DPEP1: variants seen among roughly 807,000 people sequenced by gnomAD.
DPEP1 encodes dipeptidase 1.
A neutral mutation model predicts 42.3 loss-of-function variants in DPEP1; 50 were observed. That is an observed-to-expected ratio of 1.18 (90% CI 0.94 to 1.50). DPEP1 has a LOEUF of 1.50. DPEP1 is among the 40% of genes most tolerant of loss of function. DPEP1 has a pLI of 0.00. For synonymous variants in DPEP1, 297 were observed against 234.0 expected, an observed-to-expected ratio of 1.27 and a Z score of -2.46; for missense variants, 663 against 553.0, an observed-to-expected ratio of 1.20 and a Z score of -1.99.
rs2059682225 is a variant in DPEP1 at position 89,636,543 on chromosome 16, G to C, written c.381G>C (p.Gln127His). Residue 127 changes from glutamine (Q) to histidine (H), a missense_variant, in exon 5 of 11, where the codon CAG becomes CAC. Transcript: ENST00000690203. ...TGACTCTCCCCGCAGGCATTCGGCA[G>C]GCCTTCCGGGAAGGGAAGGTGGCCA... ...LYVTSSAGIRQAFREGKVASL... is the reference protein window; with the variant it reads ...LYVTSSAGIRHAFREGKVASL... The C allele has an allele frequency of 4.3e-6, 7 of 1,612,436 alleles. No individual in the cohort carries two copies. Among genetic ancestry groups the C allele is most frequent in the Non-Finnish European group, 5.9e-6 (7 of 1,179,878 alleles).
At chr16:89,633,175 C>A (rs1224756269) in intron 2 of DPEP1, among the ~76,000 whole-genome samples, 1 of 152,316 alleles carries the variant, frequency 6.6e-6, no homozygotes, top group East Asian at 1.9e-4. Context: ...GCTGCCCGGG[C>A]AGGGTCCCTG....
intron 1 of DPEP1, among the ~76,000 whole-genome samples, chr16:89,615,043 A>G (rs1239419584): frequency 2.0e-5 from 3 of 152,238 alleles, no homozygotes; most frequent in African/African-American, 4.8e-5. Flanking sequence ...GACCCCATGG[A>G]GAAGCTCAGT....
chr16:89,637,185 C>A lies in DPEP1; in HGVS notation c.592-19C>A, dbSNP rs201941250. The stretch of plus-strand genomic sequence containing the variant: ...CGACCCTGGGGGCTGTGAGGGTGGA[C>A]GGAGCCCTGTCTTCCCAGCGTGTGG... On this transcript the variant is annotated intron_variant, in intron 6 of 10. Coordinates refer to ENST00000690203, the MANE Select transcript of DPEP1 (RefSeq NM_001389466.1). 5.4e-5 allele frequency: 87 copies of A among 1,607,386 alleles called. No homozygotes were observed. In the East Asian group the frequency reaches 1.9e-3, roughly 35 times the overall value.
chr16:89,636,148 G>A (rs1264651396), intron 3 of DPEP1, 108 bp downstream of exon 3: 41 of 1,547,988 alleles, frequency 2.6e-5, no homozygotes, highest in African/African-American at 1.9e-4. Flanking sequence ...AGGGTCCCTC[G>A]GTGCCCAGGC....
intron 2 of DPEP1, among the ~76,000 whole-genome samples, chr16:89,632,514 G>C (rs1265417709): frequency 6.6e-6 from 1 of 152,196 alleles, no homozygotes; most frequent in South Asian, 2.1e-4. Flanking sequence ...TGGATCCCGG[G>C]GGCAGCCAGC....
rs753256334 is a variant in DPEP1 at position 89,638,070 on chromosome 16, G to C, written c.1084G>C (p.Ala362Pro). Reference protein sequence around the residue: ...AVEQASNLTQAPEEEPIPLDQ... With the variant: ...AVEQASNLTQPPEEEPIPLDQ... ...TCCCCAGGCCAGCAACCTCACACAGGCTCCCGAGGAGGAGCCCATCCCGCT... is the reference window on the plus strand; with the variant it reads ...TCCCCAGGCCAGCAACCTCACACAGCCTCCCGAGGAGGAGCCCATCCCGCT... Residue 362 changes from alanine (A) to proline (P), a missense_variant, in exon 11 of 11, where the codon GCT becomes CCT. Transcript: ENST00000690203. 3 of 1,612,034 alleles carry C rather than the reference G, an allele frequency of 1.9e-6. No homozygotes were observed. The highest frequency in any genetic ancestry group is 2.2e-5 in the East Asian group (1 of 44,878).
intron 5 of DPEP1, 43 bp downstream of exon 5, chr16:89,636,726 G>A: frequency 6.2e-7 from 1 of 1,607,694 alleles, no homozygotes; most frequent in Non-Finnish European, 8.5e-7. Flanking sequence ...GTGGTCAGGA[G>A]GGAGGGGGCA....
At chr16:89,618,258 C>G (rs930552407) in intron 1 of DPEP1, among the ~76,000 whole-genome samples, 2 of 152,030 alleles carry the variant, frequency 1.3e-5, no homozygotes, top group Admixed American at 1.3e-4. Context: ...GCTCTGTCAC[C>G]CGGGCTGGAG....
chr16:89,633,306 C>T (rs1245383878), intron 2 of DPEP1, among the ~76,000 whole-genome samples: 7 of 152,228 alleles, frequency 4.6e-5, no homozygotes, highest in Admixed American at 3.3e-4. Flanking sequence ...GGGACAACCT[C>T]GCTGACGCAG....
chr16:89,636,222 G>C (rs1476741159), intron 3 of DPEP1, 42 bp from the exon 4 acceptor site: 1 of 1,582,622 alleles, frequency 6.3e-7, no homozygotes, highest in Non-Finnish European at 8.6e-7. Context: ...GGTGGGCTGA[G>C]ACCTGGCTGC....
At chr16:89,616,034 C>T (rs2059376798) in intron 1 of DPEP1, among the ~76,000 whole-genome samples, 2 of 152,052 alleles carry the variant, frequency 1.3e-5, no homozygotes, top group South Asian at 4.1e-4. Context: ...GATCACACCA[C>T]TGCACTCCAG....
chr16:89,617,119 A>T (rs1174198025), intron 1 of DPEP1, among the ~76,000 whole-genome samples: 1 of 152,056 alleles, frequency 6.6e-6, no homozygotes, highest in Non-Finnish European at 1.5e-5. Flanking sequence ...ATGTCAGGGA[A>T]TTGCTTGGCC....
At chr16:89,638,524 C>T (rs2059713739), downstream of DPEP1, 2 of 1,201,304 alleles carry the variant, frequency 1.7e-6, no homozygotes, top group Non-Finnish European at 2.1e-6. Flanking sequence ...TCCTGTGATC[C>T]TGGATCGAGT....
rs945663324 is a variant in DPEP1, at chr16:89,630,342, G to T, written c.-69G>T. The T allele has an allele frequency of 3.0e-5, 40 of 1,349,092 alleles. No individual in the cohort carries two copies. Among genetic ancestry groups the T allele is most frequent in the Non-Finnish European group, 3.7e-5 (35 of 958,706 alleles). 83.6% of individuals were successfully genotyped at this position (1,349,092 alleles called of 1,614,324 possible). A position where few individuals can be genotyped will look rare whatever the true frequency, so the allele number is the denominator to read the frequency against. ...CTCACAGCCTGAAGCTCATCCTTCT[G>T]CACGGGCCAGCCAGGCCAGCACAGA... On this transcript the variant is annotated 5_prime_UTR_variant, in exon 2 of 11. Coordinates refer to ENST00000690203, the MANE Select transcript of DPEP1 (RefSeq NM_001389466.1).
At chr16:89,614,743 T>C (rs553889518) in intron 1 of DPEP1, among the ~76,000 whole-genome samples, 25 of 152,228 alleles carry the variant, frequency 1.6e-4, no homozygotes, top group East Asian at 5.8e-4. Flanking sequence ...TGCGGTGAGC[T>C]GAGATCGTGC....
At chr16:89,613,324 AG>A (rs1441166695), upstream of DPEP1, 1 of 152,272 alleles carries the variant, frequency 6.6e-6, no homozygotes, top group Non-Finnish European at 1.5e-5. Flanking sequence ...TCCACACATG[AG>A]GGAAAAACAC....
In DPEP1 at chr16:89,638,035, T is replaced by C; in HGVS notation, c.1066-17T>C. On this transcript the variant is annotated splice_polypyrimidine_tract_variant and intron_variant, in intron 10 of 10. Coordinates refer to ENST00000690203, the MANE Select transcript of DPEP1 (RefSeq NM_001389466.1). ...ACCAGCAGGCAGGCTGCCCCACCCG[T>C]GTCTGTCTGTCCCCAGGCCAGCAAC... 6.2e-7 allele frequency: 1 copy of C among 1,611,448 alleles called. No individual in the cohort carries two copies. The highest frequency in any genetic ancestry group is 1.1e-5 in the South Asian group (1 of 90,912).
chr16:89,637,446 C>A lies in DPEP1; in HGVS notation c.769-22C>A, dbSNP rs757835615. On this transcript the variant is annotated intron_variant, in intron 7 of 10. Transcript: ENST00000690203. ...CAGGCCCTCCCAGCTCTCAGCTTCA[C>A]CCTGTCTTCCTTCTTGTGCAGAAAC... is the stretch of plus-strand genomic sequence containing the variant. The A allele has an allele frequency of 2.5e-6, 4 of 1,612,720 alleles. No individual in the cohort carries two copies. In the East Asian group the frequency reaches 8.9e-5, roughly 36 times the overall value.
intron 1 of DPEP1, among the ~76,000 whole-genome samples, chr16:89,623,180 C>T (rs763523637): frequency 6.6e-6 from 1 of 151,984 alleles, no homozygotes; most frequent in Non-Finnish European, 1.5e-5. Context: ...GTGGCAGTTG[C>T]TTTAAAAGGA....
Sources: gnomAD v4.1 joint callset for allele counts (sites outside exome capture counted in the v4.1 genomes callset) on GRCh38, gnomAD v4.1.1 for gene constraint, MANE v1.5 for transcripts, NCBI Gene and HGNC (gene_info 2026-07-23, HGNC 2026-07-21) for gene names.